PRKCE: variants seen among roughly 807,000 people sequenced by gnomAD.
PRKCE encodes the protein protein kinase C epsilon.
In PRKCE, 16 loss-of-function variants were observed where a neutral mutation model predicts 85.4. That is an observed-to-expected ratio of 0.19 (90% CI 0.13 to 0.28). The LOEUF (loss-of-function observed/expected upper bound fraction) is 0.28. PRKCE is among the 10% of genes least tolerant of loss of function. PRKCE has a pLI of 1.00. For missense variants in PRKCE, 573 were observed against 975.2 expected (o/e 0.59, Z 5.49); for synonymous variants, 388 against 371.5 (o/e 1.04, Z -0.51).
rs548013881 is a variant in PRKCE, at chr2:45,983,276, C to A, written c.694-1275C>A. ...TCCCTTTCCAGCTCTCATTTCACCC[C>A]TCATTAGTCCCCCACGGGGGCCTGT... is the stretch of plus-strand genomic sequence containing the variant. On this transcript the variant is annotated intron_variant, in intron 5 of 14. Transcript: ENST00000306156. Among the ~76,000 whole-genome samples, 9 of 152,280 alleles carry A rather than the reference C, an allele frequency of 5.9e-5. No homozygotes were observed. In the East Asian group the frequency reaches 1.7e-3, roughly 29 times the overall value.
intron 14 of PRKCE, among the ~76,000 whole-genome samples, chr2:46,183,720 A>C (rs920206694): frequency 6.6e-6 from 1 of 152,174 alleles, no homozygotes; most frequent in Non-Finnish European, 1.5e-5. Context: ...CTCCCTGCCA[A>C]GGTGCCTCCC....
chr2:45,796,755 C>G (rs1687469063), intron 1 of PRKCE, among the ~76,000 whole-genome samples: 1 of 152,124 alleles, frequency 6.6e-6, no homozygotes, highest in African/African-American at 2.4e-5. Flanking sequence ...ACTTGCAGAG[C>G]TAGAAAAGAC....
chr2:45,690,078 G>A (rs1387763898), intron 1 of PRKCE, among the ~76,000 whole-genome samples: 1 of 152,062 alleles, frequency 6.6e-6, no homozygotes, highest in African/African-American at 2.4e-5. Flanking sequence ...TCTTGCTTTT[G>A]TTACTTACCA....
intron 2 of PRKCE, among the ~76,000 whole-genome samples, chr2:45,863,942 A>C (rs1392735088): frequency 6.6e-6 from 1 of 152,180 alleles, no homozygotes; most frequent in Non-Finnish European, 1.5e-5. Flanking sequence ...AAGGCCATAG[A>C]GGTTGCAAGT....
intron 2 of PRKCE, among the ~76,000 whole-genome samples, chr2:45,921,704 G>A (rs1698262422): frequency 6.6e-6 from 1 of 152,128 alleles, no homozygotes; most frequent in African/African-American, 2.4e-5. Context: ...TTTTCCATGT[G>A]CCATTATACA....
chr2:46,131,086 G>A (rs1193203228), intron 11 of PRKCE, among the ~76,000 whole-genome samples: 2 of 152,218 alleles, frequency 1.3e-5, no homozygotes, highest in Admixed American at 6.5e-5. Flanking sequence ...TCCGGCTGGT[G>A]ACCACCAGCA....
intron 2 of PRKCE, among the ~76,000 whole-genome samples, chr2:45,966,575 A>G (rs1175426010): frequency 3.9e-5 from 6 of 152,204 alleles, no homozygotes; most frequent in African/African-American, 1.4e-4. Context: ...GAAGACTATA[A>G]TCACTCTTTA....
chr2:45,867,096 G>A (rs1004503805), intron 2 of PRKCE, among the ~76,000 whole-genome samples: 1 of 152,346 alleles, frequency 6.6e-6, no homozygotes, highest in East Asian at 1.9e-4. Context: ...TGTAGTCAGA[G>A]TTGAGCCTCA....
intron 11 of PRKCE, among the ~76,000 whole-genome samples, chr2:46,103,831 T>C (rs1344552014): frequency 6.6e-6 from 1 of 152,082 alleles, no homozygotes; most frequent in African/African-American, 2.4e-5. Context: ...TTCATTCTTA[T>C]CTCCACATTT....
chr2:46,176,026 TC>T (rs1269620647), intron 14 of PRKCE, among the ~76,000 whole-genome samples: 2 of 152,144 alleles, frequency 1.3e-5, no homozygotes, highest in Non-Finnish European at 1.5e-5. Context: ...AGGATGACTC[TC>T]AGGTGTCTAA....
At chr2:45,891,633 G>T (rs1239543165) in intron 2 of PRKCE, among the ~76,000 whole-genome samples, 1 of 152,136 alleles carries the variant, frequency 6.6e-6, no homozygotes, top group African/African-American at 2.4e-5. Context: ...AGAAGACCTG[G>T]GGCTCTGCCT....
intron 2 of PRKCE, among the ~76,000 whole-genome samples, chr2:45,866,553 C>G (rs35087575): frequency 0.042 from 6,415 of 152,238 alleles, 170 homozygotes; most frequent in South Asian, 0.079. Context: ...GTGATCCACC[C>G]GCCTTGGCCT....
intron 2 of PRKCE, among the ~76,000 whole-genome samples, chr2:45,920,643 T>G (rs1698183415): frequency 6.6e-6 from 1 of 152,160 alleles, no homozygotes; most frequent in Admixed American, 6.5e-5. Context: ...AGACCACATA[T>G]TGTATGATTG....
intron 2 of PRKCE, among the ~76,000 whole-genome samples, chr2:45,967,792 G>A (rs1419860340): frequency 6.6e-6 from 1 of 152,036 alleles, no homozygotes; most frequent in Non-Finnish European, 1.5e-5. Context: ...CCCCTCTCCT[G>A]ATAGATAAGA....
intron 10 of PRKCE, among the ~76,000 whole-genome samples, chr2:46,027,410 G>A (rs1707196830): frequency 6.6e-6 from 1 of 152,154 alleles, no homozygotes; most frequent in African/African-American, 2.4e-5. Context: ...GAATGAGGAT[G>A]GGGAGAGAGG....
intron 10 of PRKCE, among the ~76,000 whole-genome samples, chr2:46,046,134 T>G (rs570231260): frequency 9.2e-5 from 14 of 152,316 alleles, no homozygotes; most frequent in Admixed American, 5.2e-4. Context: ...GCTTACCCAG[T>G]GGGATGGCTG....
At chr2:46,070,627 A>G (rs1668001716) in intron 10 of PRKCE, among the ~76,000 whole-genome samples, 1 of 148,994 alleles carries the variant, frequency 6.7e-6, no homozygotes, top group Non-Finnish European at 1.5e-5. Flanking sequence ...TTAGCGACAG[A>G]GCAAGACTCC....
rs1232499082 is a variant in PRKCE at position 46,085,673 on chromosome 2, G to A, written c.1438-535G>A. Among the ~76,000 whole-genome samples the A allele has an allele frequency of 6.1e-5, 8 of 130,742 alleles. 3 individuals are homozygous for A. Among genetic ancestry groups the A allele is most frequent in the African/African-American group, 1.8e-4 (6 of 34,244 alleles). 85.8% of individuals were successfully genotyped at this position (130,742 alleles called of 152,430 possible). On this transcript the variant is annotated intron_variant, in intron 10 of 14. Transcript: ENST00000306156. ...ACTTATGATTGTATTTAAGACCCAC[G>A]CTGGTAATCCAGGATAACCTCCCTA...
At chr2:45,709,237 G>A (rs913355149) in intron 1 of PRKCE, among the ~76,000 whole-genome samples, 3 of 152,232 alleles carry the variant, frequency 2.0e-5, no homozygotes, top group African/African-American at 7.2e-5. Context: ...CTGGGCTGGG[G>A]CCAGCATACC....
Sources: gnomAD v4.1 joint callset for allele counts (sites outside exome capture counted in the v4.1 genomes callset) on GRCh38, gnomAD v4.1.1 for gene constraint, MANE v1.5 for transcripts, NCBI Gene and HGNC (gene_info 2026-07-23, HGNC 2026-07-21) for gene names.